The following PDILT variants were observed in gnomAD, a reference collection of about 807,000 sequenced individuals.
PDILT encodes protein disulfide isomerase like, testis expressed.
A neutral mutation model predicts 53.7 loss-of-function variants in PDILT; 43 were observed. The observed-to-expected ratio is 0.80, with a 90% CI of 0.63 to 1.03. The LOEUF (loss-of-function observed/expected upper bound fraction) is 1.03. PDILT is among the 50% of genes least tolerant of loss of function. The pLI, the probability that PDILT is intolerant of heterozygous loss-of-function variation, is 0.00. For synonymous variants in PDILT, 282 were observed against 274.2 expected (o/e 1.03, Z -0.28); for missense variants, 727 against 712.3 (o/e 1.02, Z -0.24).
intron 11 of PDILT, among the ~76,000 whole-genome samples, chr16:20,359,835 C>T (rs1430750434): frequency 2.0e-5 from 3 of 152,158 alleles, no homozygotes; most frequent in Non-Finnish European, 4.4e-5. Context: ...GTAGATGTGG[C>T]TCCTGCACCA....
At position 20,376,125 on chromosome 16, in the gene PDILT, G is replaced by A. The variant is rs530716772; in HGVS notation, c.486C>T (p.Ser162=). ...ATATCACAAACTCTGCCACCTGCTC[G>A]CTGCTGTTGAACAAAAATGCTTTCT... ...ISQKAFLFNS[S]EQVAEFVISR... is the part of the protein sequence containing the mutation. The change falls in exon 4 of 12, where the codon AGC becomes AGT. Residue 162 remains serine (S), a synonymous_variant. Coordinates refer to ENST00000302451, the MANE Select transcript of PDILT (RefSeq NM_174924.2). 1.7e-5 allele frequency: 27 copies of A among 1,613,984 alleles called. No homozygotes were observed. The highest frequency in any genetic ancestry group is 1.6e-4 in the Middle Eastern group (1 of 6,084).
Position 20,369,679 on chromosome 16 carries a change from A to T in PDILT, c.929T>A (p.Ile310Asn), listed in dbSNP as rs765488602. 1.3e-5 allele frequency: 21 copies of T among 1,614,034 alleles called. No individual in the cohort carries two copies. The South Asian group carries it at 2.3e-4, about 18-fold the overall frequency. The change falls in exon 8 of 12, where the codon ATC becomes AAC. Residue 310 changes from isoleucine (I) to asparagine (N), a missense_variant. Coordinates refer to ENST00000302451, the MANE Select transcript of PDILT (RefSeq NM_174924.2). ...TCTGGGTTCGTCTGCATCCACAAGG[A>T]TGAAAAGGATCTGCCAAAGAAAACA... ...SKEFQNKILF[I>N]LVDADEPRNG...
intron 10 of PDILT, among the ~76,000 whole-genome samples, chr16:20,361,473 C>A (rs4628982): frequency 6.6e-6 from 1 of 151,848 alleles, no homozygotes; most frequent in Non-Finnish European, 1.5e-5. Context: ...GTTGAGACAC[C>A]ACGCCCGACT....
At chr16:20,394,250 C>T (rs1409061542) in intron 2 of PDILT, among the ~76,000 whole-genome samples, 1 of 152,210 alleles carries the variant, frequency 6.6e-6, no homozygotes, top group Non-Finnish European at 1.5e-5. Flanking sequence ...TAGTTTTTGA[C>T]ATTCCTACCC....
rs11648447 is a variant in PDILT, at chr16:20,363,041, G to A, written c.1238-459C>T. 7.0e-3 allele frequency among the ~76,000 whole-genome samples: 887 copies of A among 127,496 alleles called. 25 individuals are homozygous for A. In the South Asian group the frequency reaches 0.079, roughly 11 times the overall value. 83.6% of individuals were successfully genotyped at this position (127,496 alleles called of 152,430 possible). A position where few individuals can be genotyped will look rare whatever the true frequency, so the allele number is the denominator to read the frequency against. ...GAGCCGAGATTGCGCCACTGCACTC[G>A]AGTCTGGGTGACAGAGAGAGACTCC... On this transcript the variant is annotated intron_variant, in intron 9 of 11. Coordinates refer to ENST00000302451, the MANE Select transcript of PDILT (RefSeq NM_174924.2).
intron 5 of PDILT, among the ~76,000 whole-genome samples, chr16:20,374,123 T>A (rs1283522995): frequency 2.0e-5 from 3 of 151,068 alleles, no homozygotes; most frequent in Non-Finnish European, 3.0e-5. Context: ...TTTTTTTTTT[T>A]AAAGATGTAG....
chr16:20,375,950 G>T, intron 4 of PDILT, 118 bp downstream of exon 4: 2 of 1,315,856 alleles, frequency 1.5e-6, no homozygotes, highest in Non-Finnish European at 2.1e-6. Context: ...CTAAAAACCA[G>T]ATCATTGGAT....
chr16:20,376,667 T>C lies in PDILT; in HGVS notation c.410-466A>G, dbSNP rs112300332. ...ATAAAATATAACTGGAAAGACCACA[T>C]AGCTCTGTAACCTTGGGAAAATCCT... is the stretch of plus-strand genomic sequence containing the variant. On this transcript the variant is annotated intron_variant, in intron 3 of 11. Transcript: ENST00000302451. Among the ~76,000 whole-genome samples the C allele has an allele frequency of 7.2e-5, 11 of 152,370 alleles. 1 individual carries two copies. Among genetic ancestry groups the C allele is most frequent in the African/African-American group, 2.2e-4 (9 of 41,588 alleles).
chr16:20,395,854 T>C (rs2045319154), intron 2 of PDILT, among the ~76,000 whole-genome samples: 1 of 152,124 alleles, frequency 6.6e-6, no homozygotes, highest in African/African-American at 2.4e-5. Flanking sequence ...ACACACCAGC[T>C]CCCCCTTCAC....
rs190239567 is a variant in PDILT, at chr16:20,376,017, A to G, written c.543+51T>C. The G allele has an allele frequency of 9.5e-3, 15,177 of 1,605,424 alleles. 102 individuals carry two copies. The highest frequency in any genetic ancestry group is 0.011 in the Non-Finnish European group (13,066 of 1,175,072). On this transcript the variant is annotated intron_variant, in intron 4 of 11. Coordinates refer to ENST00000302451, the MANE Select transcript of PDILT (RefSeq NM_174924.2). Reference sequence around the variant, plus strand: ...CTCCTCACACCACCCCCTCCCAGACACAGCACTTCTCATCAGTTGAAAGCC... The same window carrying G: ...CTCCTCACACCACCCCCTCCCAGACGCAGCACTTCTCATCAGTTGAAAGCC...
At chr16:20,367,067 CTTTCTTTCTTTCTTTCTTTCTTTCTTT>C (rs1966218803) in intron 8 of PDILT, among the ~76,000 whole-genome samples, 1 of 118,956 alleles carries the variant, frequency 8.4e-6, no homozygotes, top group Non-Finnish European at 1.7e-5. Flanking sequence ...TTCTTTCTTT[CTTTCTTTCTTTCTTTCTTTCTTTCTTT>C]CTTTCTTTCT....
At chr16:20,388,279 C>T (rs776591464) in intron 2 of PDILT, among the ~76,000 whole-genome samples, 8 of 152,096 alleles carry the variant, frequency 5.3e-5, no homozygotes, top group Admixed American at 4.6e-4. Flanking sequence ...GCTTAGTGTT[C>T]CATGCATTAC....
chr16:20,363,071 C>CAAAAAAA (rs1187383410), intron 9 of PDILT, among the ~76,000 whole-genome samples: 3 of 93,544 alleles, frequency 3.2e-5, no homozygotes, highest in Non-Finnish European at 6.0e-5. Flanking sequence ...GACTCCATCT[C>CAAAAAAA]AAAAAAAAAA....
At chr16:20,361,289 G>A (rs956141699) in intron 10 of PDILT, among the ~76,000 whole-genome samples, 5 of 149,268 alleles carry the variant, frequency 3.3e-5, no homozygotes, top group African/African-American at 1.2e-4. Flanking sequence ...AGGTTCAAGC[G>A]ATTCCCCTGC....
chr16:20,373,058 A>C lies in PDILT; in HGVS notation c.746T>G (p.Val249Gly), dbSNP rs777776876. Residue 249 changes from valine to glycine, a missense_variant, in exon 6 of 12, where the codon GTC becomes GGC. Val to Gly is a moderately radical substitution (Grantham distance 109). Coordinates refer to ENST00000302451, the MANE Select transcript of PDILT (RefSeq NM_174924.2). ...AAAATCTGTAAGGTGCTGTTTTATG[A>C]CACGATTGAGTTCCTGTTTGTTGGT... is the stretch of plus-strand genomic sequence containing the variant. ...DSTNKQELNR[V>G]IKQHLTDFVI... The C allele has an allele frequency of 1.3e-5, 21 of 1,614,026 alleles. No individual in the cohort carries two copies. Among genetic ancestry groups the C allele is most frequent in the Non-Finnish European group, 1.7e-5 (20 of 1,180,006 alleles).
At chr16:20,398,509 C>T (rs1052754552) in intron 2 of PDILT, among the ~76,000 whole-genome samples, 1 of 152,028 alleles carries the variant, frequency 6.6e-6, no homozygotes, top group Non-Finnish European at 1.5e-5. Flanking sequence ...CGGGTACCTG[C>T]GATCCCATCT....
chr16:20,369,406 G>T, intron 8 of PDILT, 86 bp downstream of exon 8: 1 of 1,404,740 alleles, frequency 7.1e-7, no homozygotes, highest in Non-Finnish European at 1.0e-6. Flanking sequence ...CCACATACAG[G>T]TGAGGAGAAT....
intron 2 of PDILT, among the ~76,000 whole-genome samples, chr16:20,385,561 A>G (rs192506329): frequency 6.6e-6 from 1 of 152,304 alleles, no homozygotes; most frequent in African/African-American, 2.4e-5. Context: ...GCAGAGTGGT[A>G]TAATGGACAT....
rs749778255 is a variant in PDILT at position 20,359,296 on chromosome 16, C to T, written c.*23G>A. 6.2e-7 allele frequency: 1 copy of T among 1,602,252 alleles called. No homozygotes were observed. Among genetic ancestry groups the T allele is most frequent in the East Asian group, 2.2e-5 (1 of 44,562 alleles). On this transcript the variant is annotated 3_prime_UTR_variant, in exon 12 of 12. Transcript: ENST00000302451. ...ATGCCAGGATCTGGAAAATAAGCAT[C>T]TTTTTTCCTGGTATTGGAGAAGCTA...
Sources: allele counts gnomAD v4.1 joint callset (sites outside exome capture counted in the v4.1 genomes callset), GRCh38; gene constraint gnomAD v4.1.1; transcripts MANE v1.5; gene names NCBI Gene and HGNC (gene_info 2026-07-23, HGNC 2026-07-21).